FER: variants seen among roughly 807,000 people sequenced by gnomAD.
FER encodes FER tyrosine kinase.
Under a neutral mutation model 111.0 loss-of-function variants are expected in FER, and 63 were observed. The observed-to-expected ratio is 0.57, with a 90% confidence interval of 0.46 to 0.70. The LOEUF is 0.70. Ranked by LOEUF, FER falls within the 30% of genes least tolerant of loss-of-function variation. The pLI, the probability that FER is intolerant of heterozygous loss-of-function variation, is 0.00. For missense variants in FER, 914 were observed against 954.0 expected (o/e 0.96, Z 0.55); for synonymous variants, 327 against 313.9 (o/e 1.04, Z -0.44).
intron 10 of FER, among the ~76,000 whole-genome samples, chr5:108,937,821 TAA>T (rs887067583): frequency 6.6e-6 from 1 of 151,722 alleles, no homozygotes; most frequent in African/African-American, 2.4e-5. Flanking sequence ...GACAGCCAAA[TAA>T]GAGCAGATTG....
chr5:109,018,847 C>T lies in FER; in HGVS notation c.1657-18575C>T, dbSNP rs534947935. 7.3e-5 allele frequency among the ~76,000 whole-genome samples: 11 copies of T among 151,534 alleles called. No individual in the cohort carries two copies. In the South Asian group the frequency reaches 2.3e-3, roughly 31 times the overall value. Reference sequence around the variant, plus strand: ...ACATCGTTTTCTGGATATTTTTTCCCAAGCCCTTGTTTGGACAAATAGTAG... The same window carrying T: ...ACATCGTTTTCTGGATATTTTTTCCTAAGCCCTTGTTTGGACAAATAGTAG... On this transcript the variant is annotated intron_variant, in intron 13 of 19. Transcript: ENST00000281092.
intron 7 of FER, 111 bp from the exon 8 acceptor site, chr5:108,871,982 C>A: frequency 8.9e-7 from 1 of 1,121,046 alleles, no homozygotes; most frequent in Non-Finnish European, 1.2e-6. Flanking sequence ...TTTGTGTTTT[C>A]TTTGTTAACA....
chr5:109,058,582 C>G (rs1209042542), intron 16 of FER, among the ~76,000 whole-genome samples: 1 of 151,776 alleles, frequency 6.6e-6, no homozygotes, highest in South Asian at 2.1e-4. Flanking sequence ...GTGATGTCCT[C>G]TTTAGACATG....
At chr5:109,094,690 G>A (rs1003785857) in intron 16 of FER, among the ~76,000 whole-genome samples, 6 of 152,254 alleles carry the variant, frequency 3.9e-5, no homozygotes, top group East Asian at 1.9e-4. Flanking sequence ...AATTAGTGTG[G>A]TTGTTTTCCA....
intron 13 of FER, among the ~76,000 whole-genome samples, chr5:109,021,726 T>C (rs1581686188): frequency 6.6e-6 from 1 of 152,210 alleles, no homozygotes; most frequent in Non-Finnish European, 1.5e-5. Context: ...TGAATAAGAT[T>C]AATTGAAAAG....
chr5:108,826,887 C>A (rs1342378206), intron 3 of FER, among the ~76,000 whole-genome samples: 1 of 152,152 alleles, frequency 6.6e-6, no homozygotes, highest in Non-Finnish European at 1.5e-5. Context: ...TCTGTCTCCT[C>A]AATTCAGGGA....
At chr5:108,986,146 G>T (rs536564343) in intron 13 of FER, among the ~76,000 whole-genome samples, 331 of 152,040 alleles carry the variant, frequency 2.2e-3, no homozygotes, top group African/African-American at 7.4e-3. Context: ...GGAGTAAGGT[G>T]GTATCACATT....
chr5:109,182,685 A>T (rs1758407210), intron 18 of FER, among the ~76,000 whole-genome samples: 1 of 152,200 alleles, frequency 6.6e-6, no homozygotes, highest in African/African-American at 2.4e-5. Flanking sequence ...ACTCTTAAAC[A>T]ATTTTGCCAA....
chr5:108,793,309 A>G lies in FER; in HGVS notation c.-59-4815A>G, dbSNP rs547737658. Reference sequence around the variant, plus strand: ...ACTTAACATAACGACCACCAGTTCTATCCATGTTGTTGCAGATAACAAGAT... The same window carrying G: ...ACTTAACATAACGACCACCAGTTCTGTCCATGTTGTTGCAGATAACAAGAT... On this transcript the variant is annotated intron_variant, in intron 2 of 19. Transcript: ENST00000281092. Among the ~76,000 whole-genome samples, 63 of 152,252 alleles carry G rather than the reference A, an allele frequency of 4.1e-4. 3 individuals are homozygous for G. The South Asian group carries it at 0.012, about 29-fold the overall frequency.
intron 8 of FER, among the ~76,000 whole-genome samples, chr5:108,880,534 G>C (rs2150277644): frequency 6.6e-6 from 1 of 152,174 alleles, no homozygotes; most frequent in East Asian, 1.9e-4. Context: ...TATTTAATAA[G>C]GAAGTTGGAG....
At chr5:108,839,595 T>TG (rs1270987767) in intron 5 of FER, among the ~76,000 whole-genome samples, 1 of 130,654 alleles carries the variant, frequency 7.7e-6, no homozygotes, top group Non-Finnish European at 1.6e-5. Context: ...TTTTTTTTTT[T>TG]GAGACGGAGC....
chr5:109,165,870 C>T (rs1158424163), intron 17 of FER, among the ~76,000 whole-genome samples: 2 of 151,982 alleles, frequency 1.3e-5, no homozygotes, highest in Admixed American at 1.3e-4. Flanking sequence ...TTGTGTGCAG[C>T]CTTCAGCTGA....
At chr5:108,781,136 C>T (rs889662269) in intron 2 of FER, among the ~76,000 whole-genome samples, 12 of 152,238 alleles carry the variant, frequency 7.9e-5, no homozygotes, top group Admixed American at 5.9e-4. Flanking sequence ...ATTCTCACAT[C>T]CTTTGCCATG....
chr5:108,912,524 G>C (rs1751700183), intron 10 of FER, among the ~76,000 whole-genome samples: 1 of 152,096 alleles, frequency 6.6e-6, no homozygotes, highest in South Asian at 2.1e-4. Flanking sequence ...ACCAAGCCTG[G>C]CTAATTTTTG....
At chr5:109,135,366 C>T (rs914287989) in intron 17 of FER, among the ~76,000 whole-genome samples, 1 of 152,152 alleles carries the variant, frequency 6.6e-6, no homozygotes. Context: ...TTCTCCAGAT[C>T]ATATAAGTGA....
At chr5:108,778,619 C>T (rs1034493833) in intron 2 of FER, among the ~76,000 whole-genome samples, 2 of 151,982 alleles carry the variant, frequency 1.3e-5, no homozygotes, top group Admixed American at 6.6e-5. Flanking sequence ...ATTTTCTGTC[C>T]GTGTATATTA....
At position 109,143,640 on chromosome 5, in the gene FER, A is replaced by G. The variant is rs901022758; in HGVS notation, c.2049-37107A>G. Among the ~76,000 whole-genome samples, 4 of 152,104 alleles carry G rather than the reference A, an allele frequency of 2.6e-5. No individual in the cohort carries two copies. The East Asian group carries it at 5.8e-4, about 22-fold the overall frequency. On this transcript the variant is annotated intron_variant, in intron 17 of 19. Transcript: ENST00000281092. Reference sequence around the variant, plus strand: ...TCCTCTATTTTTTCTAAAAACAGATATAACTATCAGAAATTGTACCACTTA... The same window carrying G: ...TCCTCTATTTTTTCTAAAAACAGATGTAACTATCAGAAATTGTACCACTTA...
At chr5:109,121,389 G>A (rs750868140) in intron 17 of FER, among the ~76,000 whole-genome samples, 3 of 152,068 alleles carry the variant, frequency 2.0e-5, no homozygotes, top group Non-Finnish European at 4.4e-5. Context: ...GATGTGATAT[G>A]TCACATTGAT....
chr5:108,926,056 T>G (rs1753691950), intron 10 of FER, among the ~76,000 whole-genome samples: 1 of 143,948 alleles, frequency 6.9e-6, no homozygotes, highest in Admixed American at 6.8e-5. Context: ...TTATGATCCT[T>G]CTTTAATATT....
Sources: allele counts gnomAD v4.1 joint callset (sites outside exome capture counted in the v4.1 genomes callset), GRCh38; gene constraint gnomAD v4.1.1; transcripts MANE v1.5; gene names NCBI Gene and HGNC (gene_info 2026-07-23, HGNC 2026-07-21).